Variants in ZNF804A observed in about 807,000 individuals in gnomAD.
The protein encoded by ZNF804A is zinc finger protein 804A.
In ZNF804A, 2 loss-of-function variants were observed where a neutral mutation model predicts 16.5. The observed-to-expected ratio is 0.12, with a 90% CI of 0.05 to 0.38. The LOEUF is 0.38. ZNF804A is among the 10% of genes least tolerant of loss of function. The probability of loss-of-function intolerance (pLI) is 0.99; values close to 1 mark genes in which losing one functional copy is unlikely to be tolerated. For missense variants in ZNF804A, 1,473 were observed against 1,390.7 expected (o/e 1.06, Z -0.94); for synonymous variants, 534 against 489.6 (o/e 1.09, Z -1.20).
intron 1 of ZNF804A, among the ~76,000 whole-genome samples, chr2:184,835,691 A>AAAAGAGGTGACCT (rs1310450030): frequency 6.6e-6 from 1 of 151,860 alleles, no homozygotes; most frequent in Non-Finnish European, 1.5e-5. Flanking sequence ...AAAAAGATGA[A>AAAAGAGGTGACCT]AAAGAGGTGA....
intron 1 of ZNF804A, among the ~76,000 whole-genome samples, chr2:184,703,091 A>G (rs938579434): frequency 1.3e-5 from 2 of 152,174 alleles, no homozygotes; most frequent in Non-Finnish European, 2.9e-5. Context: ...TATAACCATT[A>G]CAGCTTCTAC....
intron 1 of ZNF804A, among the ~76,000 whole-genome samples, chr2:184,770,286 A>G (rs926680662): frequency 1.3e-5 from 2 of 152,018 alleles, no homozygotes; most frequent in Admixed American, 6.6e-5. Context: ...TTCCAACCCA[A>G]ACTGCCCAGA....
At chr2:184,834,704 A>G (rs1695317395) in intron 1 of ZNF804A, among the ~76,000 whole-genome samples, 1 of 152,114 alleles carries the variant, frequency 6.6e-6, no homozygotes. Flanking sequence ...AATCTGTAGA[A>G]TTTATCTGAA....
intron 1 of ZNF804A, among the ~76,000 whole-genome samples, chr2:184,796,820 T>C (rs1331527805): frequency 6.6e-6 from 1 of 152,138 alleles, no homozygotes; most frequent in East Asian, 1.9e-4. Flanking sequence ...TTGGGGTAGG[T>C]TGTGTCATTA....
intron 2 of ZNF804A, among the ~76,000 whole-genome samples, chr2:184,878,097 T>G (rs1459196584): frequency 6.6e-6 from 1 of 152,136 alleles, no homozygotes; most frequent in Admixed American, 6.6e-5. Context: ...CAGAATGTGT[T>G]ATGCAACAAG....
rs1685848852 is a variant in ZNF804A at position 184,938,945 on chromosome 2, T to C, written c.3549T>C (p.Ala1183=). The C allele has an allele frequency of 6.2e-7, 1 of 1,613,926 alleles. No individual in the cohort carries two copies. Among genetic ancestry groups the C allele is most frequent in the Non-Finnish European group, 8.5e-7 (1 of 1,179,972 alleles). The part of the protein sequence containing the change: ...PASVLHPSHL[A]FPSLPHALFP... Reference sequence around the variant, plus strand: ...CCGTTCTTCATCCTAGCCATCTGGCTTTCCCATCTTTACCCCATGCACTCT... The same window carrying C: ...CCGTTCTTCATCCTAGCCATCTGGCCTTCCCATCTTTACCCCATGCACTCT... Residue 1183 remains alanine (A), a synonymous_variant, in exon 4 of 4, where the codon GCT becomes GCC. Transcript: ENST00000302277.
intron 1 of ZNF804A, among the ~76,000 whole-genome samples, chr2:184,775,725 G>A (rs571583186): frequency 6.6e-6 from 1 of 151,652 alleles, no homozygotes; most frequent in Admixed American, 6.6e-5. Context: ...TATCTGTAAT[G>A]CCATGGCAAA....
At chr2:184,685,142 C>T (rs544928901) in intron 1 of ZNF804A, among the ~76,000 whole-genome samples, 1 of 152,208 alleles carries the variant, frequency 6.6e-6, no homozygotes, top group Admixed American at 6.5e-5. Context: ...ACGCTGGCTG[C>T]TATGTGGGGG....
intron 1 of ZNF804A, among the ~76,000 whole-genome samples, chr2:184,811,940 A>G (rs1354452057): frequency 6.6e-6 from 1 of 152,226 alleles, no homozygotes; most frequent in Non-Finnish European, 1.5e-5. Flanking sequence ...AGAAAAGGTG[A>G]GAACACAGTC....
chr2:184,873,484 T>TAAAC lies in ZNF804A; in HGVS notation c.255+6990_255+6993dup, dbSNP rs746255665. The stretch of plus-strand genomic sequence containing the variant: ...GCCTGGGTGACAGAGCAAGAACCTG[T>TAAAC]AAACAAACAAACAAACAAACACAAA... On this transcript the variant is annotated intron_variant, in intron 2 of 3. Coordinates refer to ENST00000302277, the MANE Select transcript of ZNF804A (RefSeq NM_194250.2). Among the ~76,000 whole-genome samples, 175 of 152,248 alleles carry TAAAC rather than the reference T, an allele frequency of 1.1e-3. 1 individual carries two copies. The highest frequency in any genetic ancestry group is 2.1e-3 in the Non-Finnish European group (143 of 68,010).
intron 1 of ZNF804A, among the ~76,000 whole-genome samples, chr2:184,654,697 A>G (rs1428364424): frequency 1.3e-5 from 2 of 152,146 alleles, no homozygotes; most frequent in African/African-American, 4.8e-5. Context: ...CATATGAAAA[A>G]CATTTGAGAA....
intron 1 of ZNF804A, among the ~76,000 whole-genome samples, chr2:184,708,568 G>A (rs990053246): frequency 1.3e-5 from 2 of 151,892 alleles, no homozygotes; most frequent in African/African-American, 4.8e-5. Flanking sequence ...TTCAACAAAC[G>A]GTGCTGGGAT....
intron 1 of ZNF804A, among the ~76,000 whole-genome samples, chr2:184,853,844 G>A (rs1164669153): frequency 6.8e-6 from 1 of 147,874 alleles, no homozygotes; most frequent in Non-Finnish European, 1.5e-5. Flanking sequence ...TGATATTACA[G>A]GGATAGTAAC....
Position 184,936,227 on chromosome 2 carries a change from T to G in ZNF804A, c.831T>G (p.Ser277=). ...TGAGTTCTGAGGAGAAAACTAACTC[T>G]TTTCATCCACCAGAGGCAATGTGCA... ...VLLSSEEKTN[S]FHPPEAMCRD... is the part of the protein sequence containing the mutation. The change falls in exon 4 of 4, where the codon TCT becomes TCG. Residue 277 remains serine (S), a synonymous_variant. Coordinates refer to ENST00000302277, the MANE Select transcript of ZNF804A (RefSeq NM_194250.2). The G allele has an allele frequency of 1.9e-6, 3 of 1,613,986 alleles. No individual in the cohort carries two copies. Among genetic ancestry groups the G allele is most frequent in the Non-Finnish European group, 2.5e-6 (3 of 1,179,956 alleles).
chr2:184,634,053 A>G (rs1249336617), intron 1 of ZNF804A, among the ~76,000 whole-genome samples: 1 of 152,192 alleles, frequency 6.6e-6, no homozygotes, highest in Non-Finnish European at 1.5e-5. Context: ...AGTTAAATGG[A>G]CTAAAGAAAA....
intron 1 of ZNF804A, among the ~76,000 whole-genome samples, chr2:184,831,224 G>T (rs1695257796): frequency 6.6e-6 from 1 of 151,926 alleles, no homozygotes; most frequent in Non-Finnish European, 1.5e-5. Flanking sequence ...ATTAATGGTT[G>T]GTGTTAGTGT....
chr2:184,699,867 G>T (rs992859332), intron 1 of ZNF804A, among the ~76,000 whole-genome samples: 1 of 151,900 alleles, frequency 6.6e-6, no homozygotes, highest in Non-Finnish European at 1.5e-5. Context: ...TTGGAGAAAC[G>T]GTAGGAAATG....
chr2:184,920,541 C>T (rs1685514595), intron 2 of ZNF804A, among the ~76,000 whole-genome samples: 1 of 152,122 alleles, frequency 6.6e-6, no homozygotes, highest in Non-Finnish European at 1.5e-5. Flanking sequence ...ATATAATTCC[C>T]TTCCCTTGTA....
At chr2:184,797,048 A>G (rs1380819622) in intron 1 of ZNF804A, among the ~76,000 whole-genome samples, 1 of 152,012 alleles carries the variant, frequency 6.6e-6, no homozygotes, top group East Asian at 1.9e-4. Context: ...GGCCTATCAT[A>G]TGGTCTATGT....
Sources: gnomAD v4.1 joint callset for allele counts (sites outside exome capture counted in the v4.1 genomes callset) on GRCh38, gnomAD v4.1.1 for gene constraint, MANE v1.5 for transcripts, NCBI Gene and HGNC (gene_info 2026-07-23, HGNC 2026-07-21) for gene names.